Variants in PIWIL1 observed in about 807,000 individuals in gnomAD.
PIWIL1 encodes piwi-like protein 1.
PIWIL1 carries 73 observed loss-of-function variants against 114.4 expected under a neutral mutation model. That is an observed-to-expected ratio of 0.64 (90% CI 0.53 to 0.78). The LOEUF is 0.78. Among genes scored for constraint, PIWIL1 ranks in the 30% least tolerant of loss-of-function variants. PIWIL1 has a pLI of 0.00. For missense variants in PIWIL1, 723 were observed against 1,063.1 expected (o/e 0.68, Z 4.45); for synonymous variants, 375 against 369.0 (o/e 1.02, Z -0.19).
chr12:130,376,981 G>A (rs2073871583), downstream of PIWIL1, among the ~76,000 whole-genome samples: 1 of 152,202 alleles, frequency 6.6e-6, no homozygotes, highest in Non-Finnish European at 1.5e-5. Context: ...GTTCCCGTGT[G>A]TTCCTTCAGG....
At chr12:130,373,005 C>G (rs1305410491), downstream of PIWIL1, among the ~76,000 whole-genome samples, 2 of 152,196 alleles carry the variant, frequency 1.3e-5, no homozygotes, top group Admixed American at 6.5e-5. Flanking sequence ...CTTTGTGGCA[C>G]ACGGTCTCAT....
chr12:130,343,001 T>A lies in PIWIL1; in HGVS notation c.90T>A (p.Pro30=). The A allele has an allele frequency of 3.1e-6, 5 of 1,613,790 alleles. No homozygotes were observed. The highest frequency in any genetic ancestry group is 4.2e-6 in the Non-Finnish European group (5 of 1,179,678). Residue 30 remains proline (P), a synonymous_variant, in exon 3 of 21, where the codon CCT becomes CCA. Transcript: ENST00000245255. ...QLVGSTASQQ[P]GYIQPRPQPP... ...GCATGTAACTACAGAGTCAGCAACCTGGTTATATTCAGCCTAGGCCTCAGC... is the reference window on the plus strand; with the variant it reads ...GCATGTAACTACAGAGTCAGCAACCAGGTTATATTCAGCCTAGGCCTCAGC...
At chr12:130,413,564 CAG>C in the PIWIL1 span, among the ~76,000 whole-genome samples, 1 of 134,990 alleles carries the variant, frequency 7.4e-6, no homozygotes, top group Non-Finnish European at 1.5e-5. Context: ...ACCTGGGAAA[CAG>C]AGGTTGCAGT....
intron 19 of PIWIL1, among the ~76,000 whole-genome samples, chr12:130,370,801 C>G (rs1004206519): frequency 6.6e-6 from 1 of 152,118 alleles, no homozygotes; most frequent in Non-Finnish European, 1.5e-5. Flanking sequence ...ACTCGCTGCC[C>G]CCACAGGTCG....
chr12:130,424,060 C>T, the PIWIL1 span: 5 of 757,248 alleles, frequency 6.6e-6, no homozygotes, highest in Non-Finnish European at 9.0e-6. The surrounding 1 kb of genome is among the most constrained non-coding windows in gnomAD (Gnocchi z 9.8). Context: ...GGGATGGACA[C>T]CAGAACAAAC....
the PIWIL1 span, among the ~76,000 whole-genome samples, chr12:130,417,928 A>C: frequency 6.6e-6 from 1 of 152,154 alleles, no homozygotes; most frequent in African/African-American, 2.4e-5. Context: ...TCACAACACC[A>C]TCAGGGAAGC....
chr12:130,424,395 G>A, the PIWIL1 span: 2 of 1,232,598 alleles, frequency 1.6e-6, no homozygotes, highest in Non-Finnish European at 2.0e-6. This position sits in a 1 kb window ranked among gnomAD's most constrained non-coding sequence, Gnocchi z 9.8. Context: ...CCGCCGCCGG[G>A]CCAGCAGCGG....
At chr12:130,418,451 G>GCT in the PIWIL1 span, among the ~76,000 whole-genome samples, 8 of 152,246 alleles carry the variant, frequency 5.3e-5, no homozygotes, top group African/African-American at 1.9e-4. Flanking sequence ...GTGGAGAACA[G>GCT]CTGTGGCTGC....
chr12:130,393,101 T>C, the PIWIL1 span, among the ~76,000 whole-genome samples: 2 of 146,044 alleles, frequency 1.4e-5, no homozygotes, highest in African/African-American at 5.0e-5. Flanking sequence ...TCATCACGTG[T>C]GTCCGTCAGT....
chr12:130,354,860 C>CTTTAATATGCCTTATTTAAATGCCTTTA, intron 10 of PIWIL1, 28 bp from the exon 11 acceptor site: 1 of 1,497,256 alleles, frequency 6.7e-7, no homozygotes. Flanking sequence ...TTTCTTTAAC[C>CTTTAATATGCCTTATTTAAATGCCTTTA]ATATGCCTTT....
intron 1 of PIWIL1, chr12:130,339,732 G>A (rs2072846818): frequency 6.6e-6 from 1 of 152,332 alleles, no homozygotes; most frequent in Admixed American, 6.5e-5. Flanking sequence ...GCGCCGCCGT[G>A]GGTTTCAGGC....
chr12:130,411,093 T>A, the PIWIL1 span, among the ~76,000 whole-genome samples: 3 of 152,230 alleles, frequency 2.0e-5, no homozygotes, highest in Admixed American at 6.5e-5. Flanking sequence ...GTAGTTCATG[T>A]TTTGTTGTGT....
chr12:130,389,094 A>C, the PIWIL1 span, among the ~76,000 whole-genome samples: 2 of 152,052 alleles, frequency 1.3e-5, no homozygotes, highest in African/African-American at 4.8e-5. Flanking sequence ...TATTCTGTTA[A>C]CATAGTTCAT....
the PIWIL1 span, among the ~76,000 whole-genome samples, chr12:130,393,143 C>T: frequency 1.3e-3 from 180 of 135,810 alleles, no homozygotes; most frequent in Non-Finnish European, 1.8e-3. Context: ...TGTGATGACC[C>T]GGTCACCATC....
At chr12:130,340,681 C>G (rs1045042559) in intron 1 of PIWIL1, among the ~76,000 whole-genome samples, 32 of 147,522 alleles carry the variant, frequency 2.2e-4, no homozygotes, top group Middle Eastern at 3.5e-3. Flanking sequence ...GGTGGTGGTG[C>G]TGCTGCTGCT....
chr12:130,344,839 C>A (rs1021677763), intron 3 of PIWIL1, among the ~76,000 whole-genome samples: 1 of 152,176 alleles, frequency 6.6e-6, no homozygotes, highest in African/African-American at 2.4e-5. Flanking sequence ...TGTCATCCTG[C>A]AATTTCTGCT....
In PIWIL1 at chr12:130,371,290, C is replaced by T. The variant is rs563767126; in HGVS notation, c.2436C>T (p.Thr812=). The T allele has an allele frequency of 6.8e-6, 11 of 1,614,176 alleles. No homozygotes were observed. The South Asian group carries it at 1.2e-4, about 18-fold the overall frequency. ...GLKPDHIQRL[T]YKLCHIYYNW... is the part of the protein sequence containing the mutation. ...AGCCAGACCACATACAGCGCTTGACCTACAAGCTGTGCCACATCTATTACA... is the reference window on the plus strand; with the variant it reads ...AGCCAGACCACATACAGCGCTTGACTTACAAGCTGTGCCACATCTATTACA... Residue 812 remains threonine (T), a synonymous_variant, in exon 20 of 21, where the codon ACC becomes ACT. Transcript: ENST00000245255.
chr12:130,368,172 C>T (rs1037885510), intron 19 of PIWIL1, among the ~76,000 whole-genome samples: 24 of 152,180 alleles, frequency 1.6e-4, no homozygotes, highest in Admixed American at 1.4e-3. Context: ...TGAGCATGTT[C>T]GTGATGGCAA....
chr12:130,419,978 A>C, the PIWIL1 span, among the ~76,000 whole-genome samples: 1 of 152,248 alleles, frequency 6.6e-6, no homozygotes, highest in African/African-American at 2.4e-5. The surrounding 1 kb of genome is among the most constrained non-coding windows in gnomAD (Gnocchi z 4.3). Context: ...TTGTAGGTCC[A>C]CTGCTTATTA....
Sources: gnomAD v4.1 joint callset for allele counts (sites outside exome capture counted in the v4.1 genomes callset) on GRCh38, gnomAD v4.1.1 for gene constraint, Gnocchi (gnomAD v3.1) non-coding constraint, MANE v1.5 for transcripts, NCBI Gene and HGNC (gene_info 2026-07-23, HGNC 2026-07-21) for gene names.